The following ATP10A variants were observed in gnomAD, a reference collection of about 807,000 sequenced individuals.
ATP10A encodes phospholipid-transporting ATPase VA.
Under a neutral mutation model 147.8 loss-of-function variants are expected in ATP10A, and 111 were observed. The observed-to-expected ratio is 0.75, with a 90% CI of 0.64 to 0.88. The LOEUF (loss-of-function observed/expected upper bound fraction) is 0.88, where lower values mean the gene tolerates loss of function less well. ATP10A is among the 40% of genes least tolerant of loss of function. The probability of loss-of-function intolerance (pLI) is 0.00; values close to 1 mark genes in which losing one functional copy is unlikely to be tolerated. For missense variants in ATP10A, 1,927 were observed against 1,959.0 expected, an observed-to-expected ratio of 0.98 and a Z score of 0.31; for synonymous variants, 875 against 841.6, an observed-to-expected ratio of 1.04 and a Z score of -0.69.
At chr15:25,833,116 G>T (rs574206126) in intron 1 of ATP10A, among the ~76,000 whole-genome samples, 1 of 151,394 alleles carries the variant, frequency 6.6e-6, no homozygotes, top group South Asian at 2.1e-4. Flanking sequence ...CCAAGTAGCT[G>T]GGATTAGAGG....
At position 25,701,818 on chromosome 15, in the gene ATP10A, A is replaced by C. The variant is rs4906620; in HGVS notation, c.2760+98T>G. 336,745 of 1,233,024 alleles carry C rather than the reference A, an allele frequency of 0.27. 47,351 individuals carry two copies. The highest frequency in any genetic ancestry group is 0.29 in the Non-Finnish European group (256,701 of 886,376). 76.4% of individuals were successfully genotyped at this position (1,233,024 alleles called of 1,614,324 possible). On this transcript the variant is annotated intron_variant, in intron 13 of 20. Coordinates refer to ENST00000555815, the MANE Select transcript of ATP10A (RefSeq NM_024490.4). ...CGAATGCGGAGGGTGAGGTCCTTCT[A>C]ACAGCAGCTGCCAGGAATGTGAGTG...
intron 2 of ATP10A, among the ~76,000 whole-genome samples, chr15:25,740,938 G>A (rs1887551270): frequency 6.6e-6 from 1 of 152,200 alleles, no homozygotes; most frequent in Non-Finnish European, 1.5e-5. Context: ...GAACCCTGAG[G>A]AAGCCCAAAC....
chr15:25,751,959 T>C (rs927352865), intron 2 of ATP10A, among the ~76,000 whole-genome samples: 6 of 150,456 alleles, frequency 4.0e-5, no homozygotes, highest in South Asian at 4.2e-4. Context: ...AGAACCACAA[T>C]GAGATTTGCT....
intron 1 of ATP10A, among the ~76,000 whole-genome samples, chr15:25,821,232 A>G (rs1331314390): frequency 2.6e-5 from 4 of 151,994 alleles, no homozygotes; most frequent in African/African-American, 7.2e-5. Context: ...AGACCCCTAC[A>G]AAAAAAGTTA....
At chr15:25,805,337 G>A (rs1206694878) in intron 1 of ATP10A, among the ~76,000 whole-genome samples, 3 of 152,200 alleles carry the variant, frequency 2.0e-5, no homozygotes, top group Non-Finnish European at 4.4e-5. Flanking sequence ...TACGGGTCTC[G>A]ATCCAGGAAA....
In ATP10A at chr15:25,688,475, A is replaced by G. The variant is rs560336622; in HGVS notation, c.3166-647T>C. 1.6e-3 allele frequency among the ~76,000 whole-genome samples: 240 copies of G among 152,338 alleles called. 1 individual carries two copies. The highest frequency in any genetic ancestry group is 5.6e-3 in the African/African-American group (231 of 41,586). ...GCCATGGAAGCTTCCCCTGCATATC[A>G]TCAAGCAAGGTGCTTACGCAGTGAA... On this transcript the variant is annotated intron_variant, in intron 15 of 20. Transcript: ENST00000555815.
intron 1 of ATP10A, among the ~76,000 whole-genome samples, chr15:25,800,416 G>A (rs969549439): frequency 5.9e-5 from 9 of 152,056 alleles, no homozygotes; most frequent in African/African-American, 1.9e-4. Context: ...CCTCCCCAGG[G>A]GACACAGCAC....
Position 25,721,780 on chromosome 15 carries a change from T to C in ATP10A, c.1240A>G (p.Ile414Val), listed in dbSNP as rs751067157. 1 of 1,614,220 alleles carries C rather than the reference T, an allele frequency of 6.2e-7. No homozygotes were observed. Among genetic ancestry groups the C allele is most frequent in the Non-Finnish European group, 8.5e-7 (1 of 1,180,034 alleles). Reference protein sequence around the residue: ...DSQLQCRALNITEDLGQIQYI... With the variant: ...DSQLQCRALNVTEDLGQIQYI... ...TGTATCTGTCCTAAGTCTTCCGTGATGTTCAGAGCTCGGCACTGCAGCTGC... is the reference window on the plus strand; with the variant it reads ...TGTATCTGTCCTAAGTCTTCCGTGACGTTCAGAGCTCGGCACTGCAGCTGC... Residue 414 changes from isoleucine (I) to valine (V), a missense_variant, in exon 7 of 21, where the codon ATC (isoleucine) becomes GTC (valine). By Grantham distance (29) the Ile-to-Val change is conservative. Transcript: ENST00000555815.
chr15:25,749,847 G>T (rs1888053817), intron 2 of ATP10A, among the ~76,000 whole-genome samples: 1 of 152,070 alleles, frequency 6.6e-6, no homozygotes, highest in Non-Finnish European at 1.5e-5. Flanking sequence ...AAAATAAACT[G>T]AAAGAGATCA....
Position 25,680,889 on chromosome 15 carries a change from A to T in ATP10A, c.3599T>A (p.Leu1200Gln). The change falls in exon 19 of 21, where the codon CTG (leucine) becomes CAG (glutamine). Residue 1200 changes from leucine to glutamine, a missense_variant. Coordinates refer to ENST00000555815, the MANE Select transcript of ATP10A (RefSeq NM_024490.4). ...YLAYYDSNVD[L>Q]FTWGTPIVTI... The stretch of plus-strand genomic sequence containing the variant: ...CACAATAGGGGTCCCCCAGGTAAAC[A>T]GGTCCACGTTCGAGTCATAGTAGGC... 6.2e-7 allele frequency: 1 copy of T among 1,614,156 alleles called. No individual in the cohort carries two copies. Among genetic ancestry groups the T allele is most frequent in the East Asian group, 2.2e-5 (1 of 44,870 alleles).
In ATP10A at chr15:25,687,937, G is replaced by T. The variant is rs769716838; in HGVS notation, c.3166-109C>A. On this transcript the variant is annotated intron_variant, in intron 15 of 20. Transcript: ENST00000555815. ...AACAGGGAAGGAAAATCCCCATTCTGAACACAGTGCGAGCGTGGCCGGCCA... is the reference window on the plus strand; with the variant it reads ...AACAGGGAAGGAAAATCCCCATTCTTAACACAGTGCGAGCGTGGCCGGCCA... 9 of 1,521,110 alleles carry T rather than the reference G, an allele frequency of 5.9e-6. No homozygotes were observed. In the Admixed American group the frequency reaches 1.5e-4, roughly 26 times the overall value. The allele number at this position is 1,521,110 out of a possible 1,614,324, so 94.2% of individuals were successfully genotyped here. A position where few individuals can be genotyped will look rare whatever the true frequency, so the allele number is the denominator to read the frequency against.
chr15:25,750,546 T>A, intron 2 of ATP10A, among the ~76,000 whole-genome samples: 1 of 152,194 alleles, frequency 6.6e-6, no homozygotes, highest in East Asian at 1.9e-4. Context: ...TTTGTTTGTT[T>A]GTTTTGTTAT....
At position 25,683,540 on chromosome 15, in the gene ATP10A, G is replaced by C. The variant is rs2140286677; in HGVS notation, c.3292-54C>G. The C allele has an allele frequency of 2.0e-6, 3 of 1,522,668 alleles. No individual in the cohort carries two copies. The South Asian group carries it at 3.6e-5, about 18-fold the overall frequency. The allele number at this position is 1,522,668 out of a possible 1,614,324, so 94.3% of individuals were successfully genotyped here. On this transcript the variant is annotated intron_variant, in intron 16 of 20. Coordinates refer to ENST00000555815, the MANE Select transcript of ATP10A (RefSeq NM_024490.4). ...AGGCGAGTCTTCAGCCATTGCTGAG[G>C]ATTCTCATCCGAGGGAGCTGACAGG...
intron 12 of ATP10A, among the ~76,000 whole-genome samples, chr15:25,707,184 C>T (rs746424254): frequency 2.6e-5 from 4 of 152,150 alleles, no homozygotes; most frequent in Non-Finnish European, 5.9e-5. Context: ...ATGTATTATA[C>T]TAGAAATGTA....
intron 2 of ATP10A, among the ~76,000 whole-genome samples, chr15:25,772,277 C>T (rs2140669402): frequency 6.6e-6 from 1 of 152,216 alleles, no homozygotes; most frequent in Admixed American, 6.5e-5. Flanking sequence ...GTAGGGCTCT[C>T]TCCTCCGAAC....
chr15:25,674,276 C>T (rs1899095872), downstream of ATP10A, among the ~76,000 whole-genome samples: 1 of 152,194 alleles, frequency 6.6e-6, no homozygotes, highest in Non-Finnish European at 1.5e-5. Flanking sequence ...ACAGAATAAC[C>T]ATGGCAGCCT....
intron 1 of ATP10A, among the ~76,000 whole-genome samples, chr15:25,833,255 T>C: frequency 6.6e-6 from 1 of 152,142 alleles, no homozygotes; most frequent in Non-Finnish European, 1.5e-5. Context: ...AGTGCTGGGA[T>C]TACAGGTGTG....
chr15:25,746,272 T>C (rs1296503719), intron 2 of ATP10A, among the ~76,000 whole-genome samples: 1 of 152,144 alleles, frequency 6.6e-6, no homozygotes, highest in African/African-American at 2.4e-5. Context: ...TAAAAAGCAT[T>C]AATTTGAATT....
In ATP10A at chr15:25,686,828, G is replaced by A; in HGVS notation, c.3291+875C>T. 1.9e-5 allele frequency among the ~76,000 whole-genome samples: 2 copies of A among 107,952 alleles called. 1 individual carries two copies. The highest frequency in any genetic ancestry group is 3.3e-5 in the Non-Finnish European group (2 of 59,866). 70.8% of individuals were successfully genotyped at this position (107,952 alleles called of 152,430 possible). On this transcript the variant is annotated intron_variant, in intron 16 of 20. Transcript: ENST00000555815. ...ATGTGGTCCATCCTGCAGGGCTATG[G>A]AGGAGCCCATCTGCCAAAGAAGCAG...
Sources: gnomAD v4.1 joint callset for allele counts (sites outside exome capture counted in the v4.1 genomes callset) on GRCh38, gnomAD v4.1.1 for gene constraint, MANE v1.5 for transcripts, NCBI Gene and HGNC (gene_info 2026-07-23, HGNC 2026-07-21) for gene names.